Variants in FANCM observed in about 807,000 individuals in gnomAD.
The protein encoded by FANCM is FA complementation group M, also known as Fanconi anemia group M protein.
In FANCM, 140 loss-of-function variants were observed where a neutral mutation model predicts 199.5. The observed-to-expected ratio is 0.70, with a 90% CI of 0.61 to 0.81. FANCM has a LOEUF of 0.81. Among genes scored for constraint, FANCM ranks in the 30% least tolerant of loss-of-function variants. The pLI is 0.00. For missense variants in FANCM, 2,410 were observed against 2,421.4 expected (o/e 1.00, Z 0.10); for synonymous variants, 840 against 836.8 (o/e 1.00, Z -0.07).
At chr14:45,177,157 A>G (rs1888764374) in intron 14 of FANCM, among the ~76,000 whole-genome samples, 181 bp downstream of exon 14, 1 of 150,350 alleles carries the variant, frequency 6.7e-6, no homozygotes. Context: ...ATTTACATAT[A>G]CTTATGGCAC....
At chr14:45,188,114 A>C (rs1889520786) in intron 19 of FANCM, among the ~76,000 whole-genome samples, 1 of 152,254 alleles carries the variant, frequency 6.6e-6, no homozygotes, top group Non-Finnish European at 1.5e-5. Flanking sequence ...CGATGCTGGT[A>C]GATCACCGGA....
chr14:45,189,195 A>C lies in FANCM; in HGVS notation c.5173A>C (p.Asn1725His). The C allele has an allele frequency of 6.2e-7, 1 of 1,614,174 alleles. No individual in the cohort carries two copies. The highest frequency in any genetic ancestry group is 8.5e-7 in the Non-Finnish European group (1 of 1,180,024). ...CAAGGTGCGTTCTACTCCAAGAGTT[A>C]ATCCATTAGCAAAGCAGAGCAAACA... ...QSKVRSTPRV[N>H]PLAKQSKQTS... The change falls in exon 20 of 23, where the codon AAT (asparagine) becomes CAT (histidine). Residue 1725 changes from asparagine to histidine, a missense_variant. Physicochemically the swap from Asn to His is moderately conservative, Grantham distance 68. Coordinates refer to ENST00000267430, the MANE Select transcript of FANCM (RefSeq NM_020937.4).
intron 18 of FANCM, among the ~76,000 whole-genome samples, chr14:45,186,375 A>G (rs187556882): frequency 5.9e-5 from 9 of 152,326 alleles, no homozygotes; most frequent in East Asian, 1.9e-4. Flanking sequence ...TGTTCATCCA[A>G]TGCTTGAACG....
At position 45,187,899 on chromosome 14, in the gene FANCM, A is replaced by G. The variant is rs1185249827; in HGVS notation, c.4779+12A>G. The stretch of plus-strand genomic sequence containing the variant: ...ACATTTTCTCGCAGGTATGAACTAT[A>G]GAAATATAATGGAGAATTTCTGGAT... On this transcript the variant is annotated intron_variant, in intron 19 of 22. Coordinates refer to ENST00000267430, the MANE Select transcript of FANCM (RefSeq NM_020937.4). 1 of 1,211,818 alleles carries G rather than the reference A, an allele frequency of 8.3e-7. No homozygotes were observed. The highest frequency in any genetic ancestry group is 1.2e-6 in the Non-Finnish European group (1 of 814,896). 75.1% of individuals were successfully genotyped at this position (1,211,818 alleles called of 1,614,324 possible).
intron 18 of FANCM, among the ~76,000 whole-genome samples, chr14:45,187,223 A>T (rs1419627101): frequency 2.0e-5 from 3 of 148,028 alleles, no homozygotes; most frequent in African/African-American, 7.4e-5. Flanking sequence ...TTTTTTTTTT[A>T]AAGTACCTCG....
chr14:45,172,446 C>T (rs1034959848), intron 12 of FANCM, among the ~76,000 whole-genome samples: 10 of 152,056 alleles, frequency 6.6e-5, no homozygotes, highest in African/African-American at 2.4e-4. Flanking sequence ...GGATGAGGAT[C>T]CAGTTTCATT....
At position 45,153,936 on chromosome 14, in the gene FANCM, T is replaced by C. The variant is rs199785703; in HGVS notation, c.1067T>C (p.Ile356Thr). The C allele has an allele frequency of 1.2e-6, 2 of 1,609,826 alleles. No homozygotes were observed. Among genetic ancestry groups the C allele is most frequent in the Non-Finnish European group, 1.7e-6 (2 of 1,176,160 alleles). The change falls in exon 6 of 23, where the codon ATA becomes ACA. Residue 356 changes from isoleucine (I) to threonine (T), a missense_variant. Ile to Thr is a moderately conservative substitution (Grantham distance 89). Transcript: ENST00000267430. ...SPNIVGIQQG[I>T]IEGEFAICIS... is the part of the protein sequence containing the mutation. ...TTTTTCTAGGGAATACAACAAGGCA[T>C]AATCGAGGGAGAGTTTGCTATTTGT...
chr14:45,144,848 G>T (rs1594760904), intron 3 of FANCM, among the ~76,000 whole-genome samples: 1 of 150,692 alleles, frequency 6.6e-6, no homozygotes, highest in South Asian at 2.1e-4. Context: ...GGCTGAGCTG[G>T]TACCTGAGGT....
In FANCM at chr14:45,154,727, G is replaced by T. The variant is rs748757749; in HGVS notation, c.1214G>T (p.Arg405Leu). 2 of 1,602,250 alleles carry T rather than the reference G, an allele frequency of 1.2e-6. No individual in the cohort carries two copies. Among genetic ancestry groups the T allele is most frequent in the African/African-American group, 1.3e-5 (1 of 74,738 alleles). The change falls in exon 7 of 23, where the codon CGA (arginine) becomes CTA (leucine). Residue 405 changes from arginine to leucine, a missense_variant. Transcript: ENST00000267430. Reference sequence around the variant, plus strand: ...ACACGGTCAAAAAATGAACTTGGCCGAAATGAAGACTTCATGAAACTCTAT... The same window carrying T: ...ACACGGTCAAAAAATGAACTTGGCCTAAATGAAGACTTCATGAAACTCTAT... ...GMTRSKNELG[R>L]NEDFMKLYNH...
In FANCM at chr14:45,189,068, T is replaced by C. The variant is rs1302536129; in HGVS notation, c.5046T>C (p.Asp1682=). Residue 1682 remains aspartate, a synonymous_variant, in exon 20 of 23, where the codon GAT becomes GAC. Transcript: ENST00000267430. ...DSSEEENNVN[D]KRESNIAVNP... ...GTGAGGAGGAGAACAATGTAAATGATAAAAGAGAATCTAATATTGCGGTTA... is the reference window on the plus strand; with the variant it reads ...GTGAGGAGGAGAACAATGTAAATGACAAAAGAGAATCTAATATTGCGGTTA... 1 of 1,614,104 alleles carries C rather than the reference T, an allele frequency of 6.2e-7. No homozygotes were observed. The highest frequency in any genetic ancestry group is 1.1e-5 in the South Asian group (1 of 91,078).
chr14:45,165,407 G>T (rs990109295), intron 10 of FANCM, among the ~76,000 whole-genome samples: 3 of 152,198 alleles, frequency 2.0e-5, no homozygotes, highest in Middle Eastern at 3.4e-3. Flanking sequence ...AACGAGACAG[G>T]TGTGGTGGCG....
At chr14:45,194,325 AC>A (rs1889941161) in intron 20 of FANCM, among the ~76,000 whole-genome samples, 1 of 151,832 alleles carries the variant, frequency 6.6e-6, no homozygotes, top group South Asian at 2.1e-4. Context: ...ACAAAAAAAA[AC>A]CAAACAAATT....
At chr14:45,148,697 CTTCT>C (rs1886602872) in intron 3 of FANCM, 136 bp from the exon 4 acceptor site, 7 of 631,222 alleles carry the variant, frequency 1.1e-5, no homozygotes, top group South Asian at 5.9e-5. Context: ...ATAGGCTTAT[CTTCT>C]TTCTTTTTTG....
intron 3 of FANCM, among the ~76,000 whole-genome samples, chr14:45,147,266 C>A (rs1886467766): frequency 6.6e-6 from 1 of 152,060 alleles, no homozygotes; most frequent in Admixed American, 6.6e-5. Flanking sequence ...CCGCCCCCCC[C>A]AAAACCAAGC....
intron 17 of FANCM, among the ~76,000 whole-genome samples, chr14:45,184,591 G>A (rs1403799412): frequency 1.3e-5 from 2 of 150,544 alleles, no homozygotes; most frequent in Admixed American, 1.3e-4. Context: ...GAACCAGGAA[G>A]CGGAGGTTGC....
At chr14:45,195,527 C>CA (rs1890007191) in intron 20 of FANCM, 1 of 456,348 alleles carries the variant, frequency 2.2e-6, no homozygotes, top group African/African-American at 2.0e-5. Context: ...TCTGCCTCTG[C>CA]AAAAAGAGGA....
intron 21 of FANCM, among the ~76,000 whole-genome samples, chr14:45,197,342 G>C (rs1372630278): frequency 1.3e-5 from 2 of 152,146 alleles, no homozygotes; most frequent in Non-Finnish European, 2.9e-5. Context: ...TATACTTTTG[G>C]TAATAGTGTA....
Position 45,136,425 on chromosome 14 carries a change from T to G in FANCM, c.394T>G (p.Phe132Val). The G allele has an allele frequency of 6.2e-7, 1 of 1,614,160 alleles. No individual in the cohort carries two copies. The highest frequency in any genetic ancestry group is 1.1e-5 in the South Asian group (1 of 91,086). The change falls in exon 1 of 23, where the codon TTC becomes GTC. Residue 132 changes from phenylalanine to valine, a missense_variant. By Grantham distance (50) the Phe-to-Val change is conservative. Transcript: ENST00000267430. Reference sequence around the variant, plus strand: ...GGTCATGTACAATTTCTACCGCTGGTTCCCTTCAGGAAAGGTGGTCTTCAT... The same window carrying G: ...GGTCATGTACAATTTCTACCGCTGGGTCCCTTCAGGAAAGGTGGTCTTCAT... ...AVVMYNFYRW[F>V]PSGKVVFMAP...
intron 2 of FANCM, among the ~76,000 whole-genome samples, chr14:45,138,321 T>A (rs73340659): frequency 0.16 from 24,809 of 152,086 alleles, 3,759 homozygotes; most frequent in African/African-American, 0.4. Context: ...CATGAATTTC[T>A]CTGCCAGTTT....
Sources: gnomAD v4.1 joint callset for allele counts (sites outside exome capture counted in the v4.1 genomes callset) on GRCh38, gnomAD v4.1.1 for gene constraint, MANE v1.5 for transcripts, NCBI Gene and HGNC (gene_info 2026-07-23, HGNC 2026-07-21) for gene names.